Variants in CTNNA3 observed in about 807,000 individuals in gnomAD.
The protein encoded by CTNNA3 is catenin alpha-3.
CTNNA3 carries 76 observed loss-of-function variants against 95.7 expected under a neutral mutation model. The ratio of observed to expected loss-of-function variants is 0.79; its 90% CI spans 0.66 to 0.96. The LOEUF is 0.96. Ranked by LOEUF, CTNNA3 falls within the 40% of genes least tolerant of loss-of-function variation. CTNNA3 has a pLI of 0.00. For synonymous variants in CTNNA3, 431 were observed against 374.4 expected (o/e 1.15, Z -1.74); for missense variants, 1,191 against 1,089.8 (o/e 1.09, Z -1.31).
rs56974466 is a variant in CTNNA3 at position 67,613,932 on chromosome 10, A to G, written c.100-6883T>C. On this transcript the variant is annotated intron_variant, in intron 2 of 17. Transcript: ENST00000433211. ...GTTCGTGGTCTCGCTGACTTCAAGA[A>G]TGGAGCCACAGACCTTTGCAGTGAG... Among the ~76,000 whole-genome samples the G allele has an allele frequency of 8.1e-4, 124 of 152,314 alleles. 1 individual carries two copies. Among genetic ancestry groups the G allele is most frequent in the African/African-American group, 2.8e-3 (118 of 41,576 alleles).
At chr10:66,096,225 A>G (rs951662257) in intron 14 of CTNNA3, among the ~76,000 whole-genome samples, 6 of 152,152 alleles carry the variant, frequency 3.9e-5, no homozygotes, top group Non-Finnish European at 8.8e-5. Flanking sequence ...ACTCACCTAC[A>G]AGACACTATA....
chr10:66,709,829 C>T (rs1456464598), intron 9 of CTNNA3, among the ~76,000 whole-genome samples: 2 of 152,168 alleles, frequency 1.3e-5, no homozygotes, highest in South Asian at 2.1e-4. Context: ...ACAAACATGG[C>T]TGATTATGAG....
chr10:66,728,830 TGCCCACCTGG>T (rs2086241389), intron 9 of CTNNA3, among the ~76,000 whole-genome samples: 1 of 152,146 alleles, frequency 6.6e-6, no homozygotes, highest in South Asian at 2.1e-4. Context: ...TCAAGTGATC[TGCCCACCTGG>T]GCCTCCCAAA....
intron 7 of CTNNA3, among the ~76,000 whole-genome samples, chr10:66,923,841 T>G (rs1264713070): frequency 6.6e-6 from 1 of 152,232 alleles, no homozygotes; most frequent in Non-Finnish European, 1.5e-5. Flanking sequence ...TTATACTATA[T>G]CCATTGTACT....
intron 7 of CTNNA3, among the ~76,000 whole-genome samples, chr10:66,956,158 G>A (rs1848781946): frequency 6.6e-6 from 1 of 151,622 alleles, no homozygotes; most frequent in Non-Finnish European, 1.5e-5. Flanking sequence ...CTACATGTGG[G>A]GGCTGCATCT....
intron 10 of CTNNA3, among the ~76,000 whole-genome samples, chr10:66,580,384 C>T (rs1843145728): frequency 1.3e-5 from 2 of 151,536 alleles, no homozygotes; most frequent in South Asian, 2.1e-4. Context: ...ATTTGAATAT[C>T]GATTATCTCA....
chr10:66,288,706 A>G (rs1254702470), intron 12 of CTNNA3, among the ~76,000 whole-genome samples: 4 of 152,180 alleles, frequency 2.6e-5, no homozygotes, highest in East Asian at 1.9e-4. Context: ...TATTTCAAAT[A>G]TTTGCAAATC....
intron 3 of CTNNA3, among the ~76,000 whole-genome samples, chr10:67,581,539 T>G (rs10762175): frequency 0.4 from 61,179 of 151,966 alleles, 15,906 homozygotes; most frequent in African/African-American, 0.71. Flanking sequence ...TTGTGTCTCT[T>G]CCAGGCTTTG....
At chr10:67,539,715 T>C in intron 3 of CTNNA3, 46 bp from the exon 4 acceptor site, 1 of 1,556,796 alleles carries the variant, frequency 6.4e-7, no homozygotes. Flanking sequence ...GTTTCAACTA[T>C]GCCTATTTCA....
At chr10:67,547,342 C>A (rs192370564) in intron 3 of CTNNA3, among the ~76,000 whole-genome samples, 1 of 152,116 alleles carries the variant, frequency 6.6e-6, no homozygotes, top group African/African-American at 2.4e-5. Context: ...ATCACTCAAT[C>A]ATTTTAAAAT....
rs1357748813 is a variant in CTNNA3 at position 66,379,194 on chromosome 10, T to C, written c.1690A>G (p.Thr564Ala). 1 of 1,614,140 alleles carries C rather than the reference T, an allele frequency of 6.2e-7. No individual in the cohort carries two copies. The highest frequency in any genetic ancestry group is 1.1e-5 in the South Asian group (1 of 91,084). The change falls in exon 12 of 18, where the codon ACG becomes GCG. Residue 564 changes from threonine (T) to alanine (A), a missense_variant. Physicochemically the swap from Thr to Ala is moderately conservative, Grantham distance 58. Transcript: ENST00000433211. The stretch of plus-strand genomic sequence containing the variant: ...TTAACATTTCTCATTACACCTTCCG[T>C]GTAAGCCCCTGGCTCGTAACTGTCC... Reference protein sequence around the residue: ...EMDSYEPGAYTEGVMRNVNFL... With the variant: ...EMDSYEPGAYAEGVMRNVNFL...
At chr10:66,193,060 G>A (rs2086765093) in intron 13 of CTNNA3, among the ~76,000 whole-genome samples, 2 of 152,132 alleles carry the variant, frequency 1.3e-5, no homozygotes, top group African/African-American at 4.8e-5. Flanking sequence ...ACAAAGTTGT[G>A]AGTCCCTGTT....
At chr10:67,703,383 A>G (rs866717614) in intron 1 of CTNNA3, among the ~76,000 whole-genome samples, 36 of 152,272 alleles carry the variant, frequency 2.4e-4, no homozygotes, top group Middle Eastern at 3.4e-3. Context: ...TCAATAAAAT[A>G]CTGGCAAACC....
chr10:67,123,251 C>A (rs1329956681), intron 7 of CTNNA3, among the ~76,000 whole-genome samples: 1 of 152,094 alleles, frequency 6.6e-6, no homozygotes, highest in African/African-American at 2.4e-5. Context: ...AGCTACAGCC[C>A]TAGAGACCAG....
intron 7 of CTNNA3, among the ~76,000 whole-genome samples, chr10:67,073,773 A>T (rs1335610547): frequency 6.6e-6 from 1 of 152,216 alleles, no homozygotes; most frequent in Non-Finnish European, 1.5e-5. Flanking sequence ...AGCTTCCAAA[A>T]TTCTCATGAA....
intron 7 of CTNNA3, among the ~76,000 whole-genome samples, chr10:67,059,904 T>C (rs914980523): frequency 6.6e-6 from 1 of 152,184 alleles, no homozygotes; most frequent in East Asian, 1.9e-4. Context: ...TTAGGTGCCA[T>C]AGGGACACCA....
intron 13 of CTNNA3, among the ~76,000 whole-genome samples, chr10:66,176,501 A>T (rs868300106): frequency 5.3e-5 from 8 of 152,172 alleles, no homozygotes; most frequent in Non-Finnish European, 7.3e-5. Context: ...CTATTCTTTA[A>T]AAGTCTTAAA....
At chr10:67,111,196 C>T (rs1307736201) in intron 7 of CTNNA3, among the ~76,000 whole-genome samples, 1 of 152,094 alleles carries the variant, frequency 6.6e-6, no homozygotes, top group Non-Finnish European at 1.5e-5. Flanking sequence ...ATGTGAGTGA[C>T]AAGACTGGAA....
intron 7 of CTNNA3, among the ~76,000 whole-genome samples, chr10:67,051,321 T>G (rs1180580920): frequency 1.3e-5 from 2 of 152,156 alleles, no homozygotes; most frequent in Non-Finnish European, 2.9e-5. Flanking sequence ...AATTGTACTC[T>G]ATGTCTTATC....
Sources: gnomAD v4.1 joint callset for allele counts (sites outside exome capture counted in the v4.1 genomes callset) on GRCh38, gnomAD v4.1.1 for gene constraint, MANE v1.5 for transcripts, NCBI Gene and HGNC (gene_info 2026-07-23, HGNC 2026-07-21) for gene names.